ZNF804B: variants seen among roughly 807,000 people sequenced by gnomAD.
The protein encoded by ZNF804B is zinc finger protein 804B.
A neutral mutation model predicts 101.4 loss-of-function variants in ZNF804B; 80 were observed. The ratio of observed to expected loss-of-function variants is 0.79; its 90% CI spans 0.66 to 0.95. ZNF804B has a LOEUF of 0.95. ZNF804B is among the 40% of genes least tolerant of loss of function. ZNF804B has a pLI of 0.00. For missense variants in ZNF804B, 1,673 were observed against 1,561.9 expected, an observed-to-expected ratio of 1.07 and a Z score of -1.20; for synonymous variants, 622 against 558.8, an observed-to-expected ratio of 1.11 and a Z score of -1.59.
At chr7:88,938,933 TA>T (rs1438490226) in intron 1 of ZNF804B, among the ~76,000 whole-genome samples, 1 of 151,946 alleles carries the variant, frequency 6.6e-6, no homozygotes. Context: ...TAGAAAAAAA[TA>T]GACAAAAATT....
intron 2 of ZNF804B, among the ~76,000 whole-genome samples, chr7:89,260,623 GC>G (rs765175570): frequency 2.0e-5 from 3 of 152,062 alleles, no homozygotes; most frequent in Non-Finnish European, 4.4e-5. Context: ...TTATAGGCAT[GC>G]TTTTCTTATA....
chr7:89,087,538 C>T (rs995780905), intron 1 of ZNF804B, among the ~76,000 whole-genome samples: 7 of 151,850 alleles, frequency 4.6e-5, no homozygotes, highest in Non-Finnish European at 1.5e-5. Flanking sequence ...AAGTGCTTTG[C>T]AAATTTAACT....
chr7:89,114,619 A>G (rs1246094763), intron 1 of ZNF804B, among the ~76,000 whole-genome samples: 1 of 152,178 alleles, frequency 6.6e-6, no homozygotes, highest in African/African-American at 2.4e-5. Context: ...GTCAGGATTC[A>G]CTCATAGAGA....
chr7:89,113,170 A>C (rs1481009949), intron 1 of ZNF804B, among the ~76,000 whole-genome samples: 2 of 152,238 alleles, frequency 1.3e-5, no homozygotes, highest in Non-Finnish European at 2.9e-5. Context: ...AATCCACAGC[A>C]GATGAGGTTG....
intron 1 of ZNF804B, among the ~76,000 whole-genome samples, chr7:88,896,815 G>T (rs980730094): frequency 6.6e-6 from 1 of 152,176 alleles, no homozygotes; most frequent in Non-Finnish European, 1.5e-5. Flanking sequence ...AGATAGAAAG[G>T]TTGTCTTTCA....
chr7:88,988,941 G>A (rs1229915154), intron 1 of ZNF804B, among the ~76,000 whole-genome samples: 1 of 151,874 alleles, frequency 6.6e-6, no homozygotes, highest in East Asian at 1.9e-4. Context: ...AATATCCAGG[G>A]GAAGATTTGC....
At chr7:88,984,110 C>A (rs187861716) in intron 1 of ZNF804B, among the ~76,000 whole-genome samples, 1 of 152,192 alleles carries the variant, frequency 6.6e-6, no homozygotes, top group Admixed American at 6.5e-5. Context: ...GATTTGTCTG[C>A]CTTCCAAGTC....
intron 1 of ZNF804B, among the ~76,000 whole-genome samples, chr7:89,160,544 CT>C: frequency 6.6e-6 from 1 of 152,070 alleles, no homozygotes; most frequent in Non-Finnish European, 1.5e-5. Flanking sequence ...TTAGTAATCA[CT>C]AAATAACACA....
At chr7:89,110,346 A>C (rs779147413) in intron 1 of ZNF804B, among the ~76,000 whole-genome samples, 1 of 152,166 alleles carries the variant, frequency 6.6e-6, no homozygotes, top group African/African-American at 2.4e-5. Flanking sequence ...CCATGGTAAA[A>C]TTTGCAATTT....
chr7:88,994,459 A>G (rs1382923598), intron 1 of ZNF804B, among the ~76,000 whole-genome samples: 1 of 152,072 alleles, frequency 6.6e-6, no homozygotes, highest in African/African-American at 2.4e-5. Context: ...ATTTGATTCC[A>G]GAAAACAAAT....
chr7:89,074,312 C>T (rs1225496052), intron 1 of ZNF804B, among the ~76,000 whole-genome samples: 1 of 152,176 alleles, frequency 6.6e-6, no homozygotes, highest in Non-Finnish European at 1.5e-5. Flanking sequence ...GGCTGTGCCT[C>T]CACCCAAATC....
chr7:89,298,776 T>G (rs1300117237), intron 2 of ZNF804B, among the ~76,000 whole-genome samples: 4 of 152,114 alleles, frequency 2.6e-5, no homozygotes, highest in South Asian at 4.1e-4. Flanking sequence ...CACTATATCA[T>G]AAGGTAAATA....
chr7:89,113,806 C>T (rs1790259999), intron 1 of ZNF804B, among the ~76,000 whole-genome samples: 1 of 151,892 alleles, frequency 6.6e-6, no homozygotes. Flanking sequence ...CAAAAATTAG[C>T]CGGACATGGT....
intron 1 of ZNF804B, among the ~76,000 whole-genome samples, chr7:89,206,471 G>T (rs992994362): frequency 6.6e-6 from 1 of 152,120 alleles, no homozygotes; most frequent in African/African-American, 2.4e-5. Flanking sequence ...CTGAATGCTG[G>T]CCAGGCACGG....
At chr7:89,098,080 C>A (rs1789994614) in intron 1 of ZNF804B, among the ~76,000 whole-genome samples, 1 of 151,972 alleles carries the variant, frequency 6.6e-6, no homozygotes, top group Admixed American at 6.6e-5. Flanking sequence ...TATAAAATTT[C>A]TTTAAGGTAG....
chr7:89,211,902 G>T (rs1788810737), intron 1 of ZNF804B, among the ~76,000 whole-genome samples: 1 of 152,036 alleles, frequency 6.6e-6, no homozygotes, highest in East Asian at 1.9e-4. Flanking sequence ...TAGTTTAATG[G>T]GAACAGCACT....
intron 1 of ZNF804B, among the ~76,000 whole-genome samples, chr7:88,872,473 TTTATTA>T (rs1296366586): frequency 5.3e-5 from 8 of 152,198 alleles, no homozygotes; most frequent in African/African-American, 1.9e-4. Flanking sequence ...TTTTATTTTA[TTTATTA>T]TTATTATACT....
chr7:88,995,330 T>C (rs1788168923), intron 1 of ZNF804B, among the ~76,000 whole-genome samples: 1 of 152,064 alleles, frequency 6.6e-6, no homozygotes, highest in South Asian at 2.1e-4. Flanking sequence ...ATATATATGA[T>C]ATTAGCAGAG....
chr7:89,152,436 A>G (rs1361986523), intron 1 of ZNF804B, among the ~76,000 whole-genome samples: 2 of 151,914 alleles, frequency 1.3e-5, no homozygotes, highest in Admixed American at 1.3e-4. Context: ...GTTTTTTTCT[A>G]TTAAATTCAA....
Sources: gnomAD v4.1 joint callset for allele counts (sites outside exome capture counted in the v4.1 genomes callset) on GRCh38, gnomAD v4.1.1 for gene constraint, MANE v1.5 for transcripts, NCBI Gene and HGNC (gene_info 2026-07-23, HGNC 2026-07-21) for gene names.